Variants in UBL3 observed in about 807,000 individuals in gnomAD.
UBL3 encodes ubiquitin like 3.
UBL3 carries 6 observed loss-of-function variants against 18.4 expected under a neutral mutation model. The ratio of observed to expected loss-of-function variants is 0.33; its 90% CI spans 0.18 to 0.64. The LOEUF is 0.64. Among genes scored for constraint, UBL3 ranks in the 30% least tolerant of loss-of-function variants. The pLI, the probability that UBL3 is intolerant of heterozygous loss-of-function variation, is 0.76. For synonymous variants in UBL3, 49 were observed against 46.6 expected (o/e 1.05, Z -0.21); for missense variants, 109 against 142.9 (o/e 0.76, Z 1.21).
chr13:29,797,300 T>C (rs760009433), intron 1 of UBL3, among the ~76,000 whole-genome samples: 5 of 152,342 alleles, frequency 3.3e-5, no homozygotes, highest in Admixed American at 1.3e-4. Context: ...ATGATGTTCA[T>C]GGTCAAAGAA....
At chr13:29,831,981 A>C (rs1878788151) in intron 1 of UBL3, among the ~76,000 whole-genome samples, 1 of 152,230 alleles carries the variant, frequency 6.6e-6, no homozygotes, top group African/African-American at 2.4e-5. Context: ...ACTAGCCATG[A>C]AGAAAGTGCC....
intron 1 of UBL3, among the ~76,000 whole-genome samples, chr13:29,825,587 T>C (rs1824749670): frequency 6.6e-6 from 1 of 152,234 alleles, no homozygotes; most frequent in Admixed American, 6.5e-5. Context: ...GCTTATCAGC[T>C]TAAGGAGATT....
chr13:29,804,691 AAAACCTAGAACAAATGGATAAACTCCTGG>A (rs1316081002), intron 1 of UBL3, among the ~76,000 whole-genome samples: 4 of 152,216 alleles, frequency 2.6e-5, no homozygotes, highest in Admixed American at 6.5e-5. Context: ...ACAGTCTAAA[AAAACCTAGAACAAATGGATAAACTCCTGG>A]AAACAGAACC....
intron 1 of UBL3, among the ~76,000 whole-genome samples, chr13:29,778,350 A>ATTTTTTTTTTTTTTTTTTTTTTTTTTTTT (rs1877054813): frequency 6.6e-6 from 1 of 152,142 alleles, no homozygotes; most frequent in Non-Finnish European, 1.5e-5. Context: ...AATTAATTTA[A>ATTTTTTTTTTTTTTTTTTTTTTTTTTTTT]TATTATTTTT....
chr13:29,782,271 C>T (rs1273299179), intron 1 of UBL3, among the ~76,000 whole-genome samples: 1 of 151,964 alleles, frequency 6.6e-6, no homozygotes, highest in Non-Finnish European at 1.5e-5. Context: ...CCAAACCAAA[C>T]CAAAACAAGA....
intron 2 of UBL3, among the ~76,000 whole-genome samples, chr13:29,774,677 C>T (rs1876933991): frequency 6.6e-6 from 1 of 151,804 alleles, no homozygotes. Flanking sequence ...TTGTATAAAT[C>T]AGTATTTCTT....
intron 1 of UBL3, among the ~76,000 whole-genome samples, chr13:29,835,155 T>TATATATATATATATATATATAA (rs1878922728): frequency 2.1e-5 from 1 of 46,868 alleles, no homozygotes; most frequent in Non-Finnish European, 3.6e-5. Context: ...TATATATATA[T>TATATATATATATATATATATAA]ATATATATAT....
chr13:29,840,212 A>G (rs1410867587), intron 1 of UBL3, among the ~76,000 whole-genome samples: 1 of 152,196 alleles, frequency 6.6e-6, no homozygotes, highest in African/African-American at 2.4e-5. Context: ...AAGGATACAC[A>G]CACACACACA....
At chr13:29,793,734 A>AT (rs1877539717) in intron 1 of UBL3, among the ~76,000 whole-genome samples, 1 of 152,232 alleles carries the variant, frequency 6.6e-6, no homozygotes, top group Non-Finnish European at 1.5e-5. Flanking sequence ...AACTAACACC[A>AT]TAAAACGGAT....
rs1877391746 is a variant in UBL3, at chr13:29,788,829, T to C, written c.28-11566A>G. 2.7e-5 allele frequency among the ~76,000 whole-genome samples: 4 copies of C among 146,574 alleles called. No homozygotes were observed. In the South Asian group the frequency reaches 8.7e-4, roughly 32 times the overall value. ...GTTGCCAGGGAATGGAGGTAGGGCT[T>C]AATGGGGAAGTGTGTGTGTGTGTGT... On this transcript the variant is annotated intron_variant, in intron 1 of 4. Coordinates refer to ENST00000380680, the MANE Select transcript of UBL3 (RefSeq NM_007106.4).
chr13:29,826,466 T>C (rs949582830), intron 1 of UBL3, among the ~76,000 whole-genome samples: 1 of 152,228 alleles, frequency 6.6e-6, no homozygotes, highest in Non-Finnish European at 1.5e-5. Context: ...TTCTTCTAGA[T>C]TTTCTAGTTT....
At chr13:29,828,513 G>GT (rs1247063487) in intron 1 of UBL3, among the ~76,000 whole-genome samples, 4 of 152,182 alleles carry the variant, frequency 2.6e-5, no homozygotes, top group African/African-American at 9.6e-5. Context: ...TCATGCCATG[G>GT]TTTTCAGCTC....
intron 1 of UBL3, among the ~76,000 whole-genome samples, chr13:29,805,264 A>G (rs1397103988): frequency 6.6e-6 from 1 of 152,254 alleles, no homozygotes; most frequent in Non-Finnish European, 1.5e-5. Flanking sequence ...AATGGTCTAC[A>G]GCAGCTTTCC....
At chr13:29,809,200 G>A (rs1593664188) in intron 1 of UBL3, among the ~76,000 whole-genome samples, 2 of 152,198 alleles carry the variant, frequency 1.3e-5, no homozygotes, top group Middle Eastern at 6.8e-3. Flanking sequence ...CTATAAAGAA[G>A]TAACAGGGTC....
intron 1 of UBL3, among the ~76,000 whole-genome samples, chr13:29,782,516 ATGTT>A (rs1877203024): frequency 6.6e-6 from 1 of 152,196 alleles, no homozygotes; most frequent in Admixed American, 6.5e-5. Context: ...TATTATTTTA[ATGTT>A]TATAGGTGGG....
At chr13:29,791,111 T>C (rs1195982831) in intron 1 of UBL3, among the ~76,000 whole-genome samples, 3 of 152,222 alleles carry the variant, frequency 2.0e-5, no homozygotes, top group Non-Finnish European at 4.4e-5. Flanking sequence ...TCCTGACTTA[T>C]TTATTTCTGC....
chr13:29,835,151 T>TATATATATATATATATATATATAA (rs1878920732), intron 1 of UBL3, among the ~76,000 whole-genome samples: 1 of 25,228 alleles, frequency 4.0e-5, no homozygotes, highest in Non-Finnish European at 7.2e-5. Context: ...TATATATATA[T>TATATATATATATATATATATATAA]ATATATATAT....
At chr13:29,804,111 C>T (rs1874178450) in intron 1 of UBL3, among the ~76,000 whole-genome samples, 1 of 151,172 alleles carries the variant, frequency 6.6e-6, no homozygotes. Flanking sequence ...TGAAATTATA[C>T]TGCCATACTC....
At chr13:29,846,113 G>A (rs745746251) in intron 1 of UBL3, among the ~76,000 whole-genome samples, 1 of 151,994 alleles carries the variant, frequency 6.6e-6, no homozygotes, top group Non-Finnish European at 1.5e-5. Context: ...AAGTCACACT[G>A]CAACTATAAA....
Sources: gnomAD v4.1 joint callset for allele counts (sites outside exome capture counted in the v4.1 genomes callset) on GRCh38, gnomAD v4.1.1 for gene constraint, MANE v1.5 for transcripts, NCBI Gene and HGNC (gene_info 2026-07-23, HGNC 2026-07-21) for gene names.